Variants in LRMDA observed in about 807,000 individuals in gnomAD.
The protein encoded by LRMDA is leucine-rich melanocyte differentiation-associated protein.
In LRMDA, 18 loss-of-function variants were observed where a neutral mutation model predicts 29.8. The observed-to-expected ratio is 0.60, with a 90% confidence interval of 0.42 to 0.90. The LOEUF (loss-of-function observed/expected upper bound fraction) is 0.90. Among genes scored for constraint, LRMDA ranks in the 40% least tolerant of loss-of-function variants. LRMDA has a pLI of 0.00. For missense variants in LRMDA, 273 were observed against 273.9 expected, an observed-to-expected ratio of 1.00 and a Z score of 0.02; for synonymous variants, 125 against 109.4, an observed-to-expected ratio of 1.14 and a Z score of -0.89.
chr10:76,433,210 C>G (rs73292541), intron 6 of LRMDA, among the ~76,000 whole-genome samples: 6,573 of 152,218 alleles, frequency 0.043, 165 homozygotes, highest in African/African-American at 0.056. Flanking sequence ...AATGGGCACC[C>G]CTGCCTGGAG....
intron 6 of LRMDA, among the ~76,000 whole-genome samples, chr10:76,336,675 C>A (rs1207337990): frequency 6.6e-6 from 1 of 152,082 alleles, no homozygotes; most frequent in African/African-American, 2.4e-5. Flanking sequence ...TATTCCCACC[C>A]TCCCCCAAAG....
At position 75,942,215 on chromosome 10, in the gene LRMDA, A is replaced by G. The variant is rs557738005; in HGVS notation, c.132-93793A>G. On this transcript the variant is annotated intron_variant, in intron 2 of 6. Transcript: ENST00000611255. Reference sequence around the variant, plus strand: ...CAGTGTTTATCATACAAATGTGGTGATGTGTTTGCATTTTTATGACCCAGC... The same window carrying G: ...CAGTGTTTATCATACAAATGTGGTGGTGTGTTTGCATTTTTATGACCCAGC... Among the ~76,000 whole-genome samples the G allele has an allele frequency of 2.0e-5, 3 of 152,106 alleles. No individual in the cohort carries two copies. In the East Asian group the frequency reaches 5.8e-4, roughly 30 times the overall value.
intron 5 of LRMDA, among the ~76,000 whole-genome samples, chr10:76,278,340 G>C (rs1198906842): frequency 6.6e-6 from 1 of 152,074 alleles, no homozygotes; most frequent in Non-Finnish European, 1.5e-5. Flanking sequence ...TGAATCTTCC[G>C]TAAGAAATTC....
intron 2 of LRMDA, among the ~76,000 whole-genome samples, chr10:75,692,247 T>C (rs4745787): frequency 0.17 from 22,339 of 131,596 alleles, 4,376 homozygotes; most frequent in African/African-American, 0.46. Context: ...TATATATATA[T>C]ACATATATAT....
chr10:75,543,288 A>C (rs1840041775), intron 2 of LRMDA, among the ~76,000 whole-genome samples: 1 of 152,216 alleles, frequency 6.6e-6, no homozygotes. Flanking sequence ...CTTCTTTAAC[A>C]GGGCGCTGTT....
chr10:75,747,686 G>A (rs1398990501), intron 2 of LRMDA, among the ~76,000 whole-genome samples: 1 of 151,984 alleles, frequency 6.6e-6, no homozygotes, highest in Non-Finnish European at 1.5e-5. Flanking sequence ...AGGGTCATAG[G>A]GTTCTAAAAT....
At chr10:76,422,892 C>A (rs1056209564) in intron 6 of LRMDA, among the ~76,000 whole-genome samples, 1 of 152,188 alleles carries the variant, frequency 6.6e-6, no homozygotes, top group African/African-American at 2.4e-5. Flanking sequence ...TTTACTTCCT[C>A]ATGAAAAAAG....
At chr10:76,214,330 A>ATTTTTTTTTTTTTT (rs753986574) in intron 5 of LRMDA, among the ~76,000 whole-genome samples, 1 of 87,242 alleles carries the variant, frequency 1.1e-5, no homozygotes, top group Non-Finnish European at 2.0e-5. Context: ...CTTGAACCAA[A>ATTTTTTTTTTTTTT]TTTTTTTTTT....
At chr10:76,306,805 A>G (rs905451324) in intron 5 of LRMDA, among the ~76,000 whole-genome samples, 2 of 152,206 alleles carry the variant, frequency 1.3e-5, no homozygotes, top group Non-Finnish European at 2.9e-5. Flanking sequence ...TACTGGTCAC[A>G]TATTCTCTTG....
At chr10:76,525,868 G>A (rs2132367258) in intron 6 of LRMDA, among the ~76,000 whole-genome samples, 1 of 152,222 alleles carries the variant, frequency 6.6e-6, no homozygotes, top group South Asian at 2.1e-4. Context: ...GTTTGTCTCT[G>A]TATCAGCTAT....
intron 2 of LRMDA, among the ~76,000 whole-genome samples, chr10:75,871,583 C>T (rs760008297): frequency 6.6e-6 from 1 of 152,176 alleles, no homozygotes; most frequent in Non-Finnish European, 1.5e-5. Flanking sequence ...CCCTCCCTTT[C>T]CTGCTCTCTT....
chr10:76,422,967 C>T (rs1017735176), intron 6 of LRMDA, among the ~76,000 whole-genome samples: 6 of 152,262 alleles, frequency 3.9e-5, no homozygotes, highest in African/African-American at 1.2e-4. Context: ...ATCCTGCCCA[C>T]AAGTGGGCAA....
intron 2 of LRMDA, among the ~76,000 whole-genome samples, chr10:75,967,059 T>G (rs1846874599): frequency 6.6e-6 from 1 of 152,222 alleles, no homozygotes; most frequent in Non-Finnish European, 1.5e-5. Context: ...CCCTTTAGAC[T>G]GGGGTAGTCA....
intron 2 of LRMDA, among the ~76,000 whole-genome samples, chr10:75,748,099 AT>A (rs35277401): frequency 5.4e-5 from 8 of 149,268 alleles, no homozygotes; most frequent in East Asian, 2.0e-4. Flanking sequence ...TTGTTTAGCT[AT>A]TTTTTTTTTC....
At chr10:76,128,004 C>G (rs754595593) in intron 5 of LRMDA, among the ~76,000 whole-genome samples, 18 of 152,114 alleles carry the variant, frequency 1.2e-4, no homozygotes, top group Non-Finnish European at 2.2e-4. Flanking sequence ...TGGTTCAGAT[C>G]ACAGTGTATA....
chr10:76,509,068 A>C (rs1842984943), intron 6 of LRMDA, among the ~76,000 whole-genome samples: 1 of 152,196 alleles, frequency 6.6e-6, no homozygotes, highest in Admixed American at 6.5e-5. Context: ...TTGTCTATAC[A>C]TTATTTGTTC....
chr10:76,027,384 G>T (rs1299586690), intron 2 of LRMDA, among the ~76,000 whole-genome samples: 1 of 152,114 alleles, frequency 6.6e-6, no homozygotes, highest in Non-Finnish European at 1.5e-5. Flanking sequence ...ATTAACTGTG[G>T]TTTTTCCTGA....
At chr10:75,567,689 T>C (rs551709362) in intron 2 of LRMDA, among the ~76,000 whole-genome samples, 28 of 152,260 alleles carry the variant, frequency 1.8e-4, no homozygotes, top group African/African-American at 6.3e-4. Flanking sequence ...ACCAGTGACT[T>C]AGGTGAAGAT....
intron 5 of LRMDA, among the ~76,000 whole-genome samples, chr10:76,301,898 GCATTTTCC>G (rs1840485273): frequency 6.6e-6 from 1 of 152,148 alleles, no homozygotes; most frequent in African/African-American, 2.4e-5. Context: ...ATGTTGTTGA[GCATTTTCC>G]TGTGTGGAGA....
Sources: allele counts gnomAD v4.1 joint callset (sites outside exome capture counted in the v4.1 genomes callset), GRCh38; gene constraint gnomAD v4.1.1; transcripts MANE v1.5; gene names NCBI Gene and HGNC (gene_info 2026-07-23, HGNC 2026-07-21).